The following DDAH1 variants were observed in gnomAD, a reference collection of about 807,000 sequenced individuals.
The protein encoded by DDAH1 is dimethylarginine dimethylaminohydrolase 1.
Under a neutral mutation model 28.8 loss-of-function variants are expected in DDAH1, and 19 were observed. The observed-to-expected ratio is 0.66, with a 90% CI of 0.46 to 0.97. The LOEUF (loss-of-function observed/expected upper bound fraction) is 0.97. DDAH1 is among the 50% of genes least tolerant of loss of function. The pLI, the probability that DDAH1 is intolerant of heterozygous loss-of-function variation, is 0.00. For synonymous variants in DDAH1, 153 were observed against 154.4 expected (o/e 0.99, Z 0.07); for missense variants, 326 against 375.9 (o/e 0.87, Z 1.10).
intron 1 of DDAH1, among the ~76,000 whole-genome samples, chr1:85,370,567 A>G (rs1340352057): frequency 6.6e-6 from 1 of 150,978 alleles, no homozygotes; most frequent in Non-Finnish European, 1.5e-5. Context: ...AAATGGAAAC[A>G]GGGAACTTAG....
chr1:85,353,667 T>G (rs1441733630), intron 2 of DDAH1, among the ~76,000 whole-genome samples: 2 of 152,134 alleles, frequency 1.3e-5, no homozygotes, highest in Non-Finnish European at 2.9e-5. Flanking sequence ...AATACCAAGT[T>G]TCTTTAATTC....
chr1:85,575,304 C>G (rs1659571297), intron 1 of DDAH1, among the ~76,000 whole-genome samples: 1 of 152,214 alleles, frequency 6.6e-6, no homozygotes, highest in Non-Finnish European at 1.5e-5. Flanking sequence ...AACACCCAGA[C>G]TGATGAACCA....
At chr1:85,367,731 T>A (rs975554379) in intron 1 of DDAH1, among the ~76,000 whole-genome samples, 5 of 152,060 alleles carry the variant, frequency 3.3e-5, no homozygotes, top group Admixed American at 6.6e-5. Context: ...AGAAACATAA[T>A]TCCTCTTCTT....
chr1:85,390,571 G>A (rs1292215260), intron 1 of DDAH1, among the ~76,000 whole-genome samples: 2 of 152,136 alleles, frequency 1.3e-5, no homozygotes, highest in Non-Finnish European at 2.9e-5. Flanking sequence ...GATATGCTGG[G>A]ATGTAAGGTA....
intron 1 of DDAH1, among the ~76,000 whole-genome samples, chr1:85,373,920 G>A (rs1296526997): frequency 6.6e-6 from 1 of 152,030 alleles, no homozygotes; most frequent in Non-Finnish European, 1.5e-5. Context: ...GTTGGTTGGT[G>A]GAAAATGGTT....
intron 1 of DDAH1, among the ~76,000 whole-genome samples, chr1:85,551,410 C>T (rs1180655980): frequency 6.6e-6 from 1 of 152,152 alleles, no homozygotes. Context: ...CAACAGAAAC[C>T]CAGCTTCTTC....
At chr1:85,374,251 A>T (rs931835448) in intron 1 of DDAH1, among the ~76,000 whole-genome samples, 1 of 152,124 alleles carries the variant, frequency 6.6e-6, no homozygotes, top group Non-Finnish European at 1.5e-5. Context: ...CTATTATTTT[A>T]GACTGAACTC....
At chr1:85,406,383 A>G (rs895220047) in intron 1 of DDAH1, among the ~76,000 whole-genome samples, 1 of 152,266 alleles carries the variant, frequency 6.6e-6, no homozygotes, top group Admixed American at 6.5e-5. Context: ...CTCTTTTTAA[A>G]TTTGTAGTCC....
intron 1 of DDAH1, among the ~76,000 whole-genome samples, chr1:85,457,343 T>A (rs1032260191): frequency 6.6e-6 from 1 of 152,170 alleles, no homozygotes; most frequent in Non-Finnish European, 1.5e-5. Context: ...GAAGCCTTGG[T>A]GTGGGTGAGA....
chr1:85,375,135 A>T (rs1482973530), intron 1 of DDAH1, among the ~76,000 whole-genome samples: 1 of 152,200 alleles, frequency 6.6e-6, no homozygotes, highest in Non-Finnish European at 1.5e-5. Flanking sequence ...ACAAAATAAA[A>T]ATATTTAGCT....
At position 85,347,298 on chromosome 1, in the gene DDAH1, T is replaced by C. The variant is rs1213482839; in HGVS notation, c.597+3117A>G. Among the ~76,000 whole-genome samples the C allele has an allele frequency of 3.3e-5, 5 of 152,200 alleles. No homozygotes were observed. In the East Asian group the frequency reaches 9.6e-4, roughly 29 times the overall value. On this transcript the variant is annotated intron_variant, in intron 4 of 5. Transcript: ENST00000284031. ...CCCAAAGGATTATAAATCATGCTGC[T>C]ATAAAGACACATGCACACGTATGTT...
chr1:85,329,257 T>C (rs233129), intron 4 of DDAH1, among the ~76,000 whole-genome samples: 8,135 of 152,270 alleles, frequency 0.053, 753 homozygotes, highest in African/African-American at 0.19. Flanking sequence ...TCTCAGAAAG[T>C]ACCACGTGTC....
At chr1:85,527,578 A>C (rs1414688846) in intron 1 of DDAH1, among the ~76,000 whole-genome samples, 2 of 152,148 alleles carry the variant, frequency 1.3e-5, no homozygotes, top group African/African-American at 4.8e-5. Context: ...TATTAGATGC[A>C]GTTTCAGAAT....
At chr1:85,501,438 C>T (rs926698711) in intron 1 of DDAH1, among the ~76,000 whole-genome samples, 5 of 152,172 alleles carry the variant, frequency 3.3e-5, no homozygotes, top group Admixed American at 1.3e-4. Context: ...AGCTATTTGC[C>T]ACCAGACTTT....
chr1:85,449,297 G>A (rs1438984451), intron 1 of DDAH1, among the ~76,000 whole-genome samples: 1 of 152,200 alleles, frequency 6.6e-6, no homozygotes, highest in Non-Finnish European at 1.5e-5. Context: ...GGACATAGCA[G>A]TATGTTTGAG....
chr1:85,414,501 G>A (rs1652795298), intron 1 of DDAH1, among the ~76,000 whole-genome samples: 1 of 152,164 alleles, frequency 6.6e-6, no homozygotes, highest in Non-Finnish European at 1.5e-5. Context: ...CACAAACTTG[G>A]AGACAATCTT....
chr1:85,430,546 C>T (rs1653629724), intron 1 of DDAH1, among the ~76,000 whole-genome samples: 1 of 152,088 alleles, frequency 6.6e-6, no homozygotes, highest in Non-Finnish European at 1.5e-5. Context: ...GAATGTTTTT[C>T]CATTTGTTTG....
intron 1 of DDAH1, among the ~76,000 whole-genome samples, chr1:85,515,207 T>C (rs536510642): frequency 1.5e-4 from 22 of 151,132 alleles, no homozygotes; most frequent in African/African-American, 4.9e-4. Context: ...CTGGCCAACA[T>C]GGTGAAACCT....
chr1:85,428,627 A>C, intron 1 of DDAH1, among the ~76,000 whole-genome samples: 1 of 152,258 alleles, frequency 6.6e-6, no homozygotes, highest in East Asian at 1.9e-4. Context: ...CAGAGAACTG[A>C]TATCTGAGAA....
Sources: allele counts gnomAD v4.1 joint callset (sites outside exome capture counted in the v4.1 genomes callset), GRCh38; gene constraint gnomAD v4.1.1; transcripts MANE v1.5; gene names NCBI Gene and HGNC (gene_info 2026-07-23, HGNC 2026-07-21).